C14orf39: variants seen among roughly 807,000 people sequenced by gnomAD.
C14orf39 encodes protein SIX6OS1.
C14orf39 carries 66 observed loss-of-function variants against 85.6 expected under a neutral mutation model. The observed-to-expected ratio is 0.77, with a 90% CI of 0.63 to 0.95. C14orf39 has a LOEUF of 0.95. Among genes scored for constraint, C14orf39 ranks in the 40% least tolerant of loss-of-function variants. The probability of loss-of-function intolerance (pLI) is 0.00; values close to 1 mark genes in which losing one functional copy is unlikely to be tolerated. For missense variants in C14orf39, 735 were observed against 663.9 expected, an observed-to-expected ratio of 1.11 and a Z score of -1.18; for synonymous variants, 242 against 214.0, an observed-to-expected ratio of 1.13 and a Z score of -1.14.
intron 16 of C14orf39, among the ~76,000 whole-genome samples, chr14:60,442,585 C>T (rs1187849886): frequency 6.6e-6 from 1 of 152,138 alleles, no homozygotes; most frequent in African/African-American, 2.4e-5. Flanking sequence ...GCACCTTTTT[C>T]CTCTTCACAT....
At chr14:60,501,796 G>C (rs1595496299) in intron 1 of C14orf39, among the ~76,000 whole-genome samples, 1 of 152,128 alleles carries the variant, frequency 6.6e-6, no homozygotes, top group African/African-American at 2.4e-5. Context: ...AAGATTATGA[G>C]ACCCAGGACA....
chr14:60,437,716 G>A (rs1463044268), intron 17 of C14orf39, among the ~76,000 whole-genome samples: 4 of 151,844 alleles, frequency 2.6e-5, no homozygotes, highest in African/African-American at 9.7e-5. Context: ...TGGTAATGGA[G>A]GAAAAAATGC....
At position 60,436,824 on chromosome 14, in the gene C14orf39, T is replaced by C; in HGVS notation, c.*21A>G. 13 of 1,526,400 alleles carry C rather than the reference T, an allele frequency of 8.5e-6. No individual in the cohort carries two copies. The highest frequency in any genetic ancestry group is 1.2e-5 in the Non-Finnish European group (13 of 1,109,872). The allele number at this position is 1,526,400 out of a possible 1,614,324, so 94.6% of individuals were successfully genotyped here. On this transcript the variant is annotated 3_prime_UTR_variant, in exon 18 of 18. Transcript: ENST00000321731. ...TCATGAACACAGAACAGTAAAATAATTTAAGGAATTAATGACTAGCTCAAA... is the reference window on the plus strand; with the variant it reads ...TCATGAACACAGAACAGTAAAATAACTTAAGGAATTAATGACTAGCTCAAA...
intron 5 of C14orf39, among the ~76,000 whole-genome samples, chr14:60,475,815 ATACT>A (rs1268921604): frequency 2.0e-5 from 3 of 152,150 alleles, no homozygotes; most frequent in Non-Finnish European, 4.4e-5. Flanking sequence ...TTCTTATCAA[ATACT>A]TAGTTTCAAA....
At chr14:60,449,392 G>A (rs572317513) in intron 16 of C14orf39, among the ~76,000 whole-genome samples, 18 of 152,132 alleles carry the variant, frequency 1.2e-4, no homozygotes, top group Non-Finnish European at 1.8e-4. Flanking sequence ...AGATGAATGC[G>A]TAATTTACTC....
At chr14:60,449,313 C>A (rs536679507) in intron 16 of C14orf39, among the ~76,000 whole-genome samples, 60 of 152,246 alleles carry the variant, frequency 3.9e-4, no homozygotes, top group African/African-American at 1.4e-3. Context: ...TATATTTCTT[C>A]AGAAATATAT....
intron 8 of C14orf39, 24 bp downstream of exon 8, chr14:60,469,509 A>G: frequency 9.2e-7 from 1 of 1,088,444 alleles, no homozygotes. Context: ...TACACATATT[A>G]GAAATATATA....
chr14:60,466,456 T>C lies in C14orf39; in HGVS notation c.896-401A>G, dbSNP rs77513864. Reference sequence around the variant, plus strand: ...ATGGTAAATGCCATTAAATTTTAATTAAACGCAATGGCAAAAACCATGATT... The same window carrying C: ...ATGGTAAATGCCATTAAATTTTAATCAAACGCAATGGCAAAAACCATGATT... On this transcript the variant is annotated intron_variant, in intron 10 of 17. Transcript: ENST00000321731. Among the ~76,000 whole-genome samples the C allele has an allele frequency of 4.7e-3, 709 of 151,824 alleles. 5 individuals carry two copies. The highest frequency in any genetic ancestry group is 0.014 in the Middle Eastern group (4 of 294).
chr14:60,492,071 C>T (rs1345732839), intron 2 of C14orf39, among the ~76,000 whole-genome samples: 2 of 152,092 alleles, frequency 1.3e-5, no homozygotes, highest in Non-Finnish European at 2.9e-5. Context: ...ACAGTGTGAA[C>T]GGGTACTATT....
intron 11 of C14orf39, among the ~76,000 whole-genome samples, chr14:60,462,890 A>C (rs545385870): frequency 6.6e-6 from 1 of 152,250 alleles, no homozygotes; most frequent in Admixed American, 6.5e-5. Context: ...CAGGTAAGCC[A>C]AAAGATTGGA....
rs2140074348 is a variant in C14orf39 at position 60,457,014 on chromosome 14, T to C, written c.1261A>G (p.Thr421Ala). ...CCTAAAAATATAGGAATTTCAGACG[T>C]TCGTGGAAAATTCTCAGCTCTCTCT... ...VEERAENFPRTSEIPIFLGTP... is the reference protein window; with the variant it reads ...VEERAENFPRASEIPIFLGTP... Residue 421 changes from threonine to alanine, a missense_variant, in exon 15 of 18, where the codon ACG becomes GCG. Physicochemically the swap from Thr to Ala is moderately conservative, Grantham distance 58 (BLOSUM62 0). Coordinates refer to ENST00000321731, the MANE Select transcript of C14orf39 (RefSeq NM_174978.3). 1 of 1,611,246 alleles carries C rather than the reference T, an allele frequency of 6.2e-7. No individual in the cohort carries two copies. The highest frequency in any genetic ancestry group is 2.2e-5 in the East Asian group (1 of 44,684).
Position 60,451,198 on chromosome 14 carries a change from G to A in C14orf39, c.1503+3803C>T, listed in dbSNP as rs576078896. ...AAAAAATCAGGAAACAACAGGTGCT[G>A]GAGAGGATGTGGAGAAATAGGAACA... On this transcript the variant is annotated intron_variant, in intron 16 of 17. Coordinates refer to ENST00000321731, the MANE Select transcript of C14orf39 (RefSeq NM_174978.3). Among the ~76,000 whole-genome samples the A allele has an allele frequency of 6.6e-4, 101 of 152,262 alleles. 2 individuals are homozygous for A. The South Asian group carries it at 0.019, about 29-fold the overall frequency.
At chr14:60,463,590 T>C (rs1425841120) in intron 11 of C14orf39, among the ~76,000 whole-genome samples, 1 of 152,144 alleles carries the variant, frequency 6.6e-6, no homozygotes, top group Non-Finnish European at 1.5e-5. Context: ...GTAACTTTCA[T>C]GGTATATGAA....
At chr14:60,453,343 C>A (rs1891123693) in intron 16 of C14orf39, among the ~76,000 whole-genome samples, 1 of 151,664 alleles carries the variant, frequency 6.6e-6, no homozygotes, top group Admixed American at 6.6e-5. Flanking sequence ...TTAAGACTAC[C>A]AGAAATGATA....
At chr14:60,509,974 G>C (rs1270534141) in intron 1 of C14orf39, 3 of 1,593,474 alleles carry the variant, frequency 1.9e-6, no homozygotes, top group Non-Finnish European at 2.6e-6. Flanking sequence ...AGAACAGGTC[G>C]GTACCTAGAG....
chr14:60,437,628 G>A (rs1890317876), intron 17 of C14orf39, among the ~76,000 whole-genome samples: 1 of 151,928 alleles, frequency 6.6e-6, no homozygotes, highest in African/African-American at 2.4e-5. Flanking sequence ...CTAGAAGTGG[G>A]ACTAACCAAA....
Position 60,515,409 on chromosome 14 carries a change from G to T in C14orf39, c.-158C>A, listed in dbSNP as rs1244414405. On this transcript the variant is annotated 5_prime_UTR_variant, in exon 1 of 6. Transcript: ENST00000556799. This position sits in a 1 kb window ranked among gnomAD's most constrained non-coding sequence, Gnocchi z 6.2. ...CGCGCACCCACCTTTTCCATCCAGC[G>T]CCCCGCGAACTCGCGGACGTGTAGG... The T allele has an allele frequency of 6.6e-6, 1 of 152,160 alleles. No homozygotes were observed. Among genetic ancestry groups the T allele is most frequent in the Non-Finnish European group, 1.5e-5 (1 of 68,094 alleles). The allele number at this position is 152,160 out of a possible 1,614,324, so 9.4% of individuals were successfully genotyped here.
chr14:60,450,425 C>T (rs1193012143), intron 16 of C14orf39, among the ~76,000 whole-genome samples: 1 of 152,168 alleles, frequency 6.6e-6, no homozygotes, highest in Non-Finnish European at 1.5e-5. Context: ...GGAGAGGCTC[C>T]TCTGCCTGTG....
intron 16 of C14orf39, among the ~76,000 whole-genome samples, chr14:60,448,357 A>T (rs12587005): frequency 0.18 from 26,389 of 150,654 alleles, 2,989 homozygotes; most frequent in East Asian, 0.54. Context: ...GAAAAAAAAT[A>T]AAAAAGTGGG....
Sources: gnomAD v4.1 joint callset for allele counts (sites outside exome capture counted in the v4.1 genomes callset) on GRCh38, gnomAD v4.1.1 for gene constraint, Gnocchi (gnomAD v3.1) non-coding constraint, MANE v1.5 for transcripts, NCBI Gene and HGNC (gene_info 2026-07-23, HGNC 2026-07-21) for gene names.